The following PARP11 variants were observed in gnomAD, a reference collection of about 807,000 sequenced individuals.
PARP11 encodes poly(ADP-ribose) polymerase family member 11.
In PARP11, 31 loss-of-function variants were observed where a neutral mutation model predicts 42.9. The observed-to-expected ratio is 0.72, with a 90% CI of 0.54 to 0.98. The LOEUF (loss-of-function observed/expected upper bound fraction) is 0.98. Ranked by LOEUF, PARP11 falls within the 50% of genes least tolerant of loss-of-function variation. The pLI, the probability that PARP11 is intolerant of heterozygous loss-of-function variation, is 0.00. For synonymous variants in PARP11, 137 were observed against 127.3 expected (o/e 1.08, Z -0.51); for missense variants, 365 against 413.1 (o/e 0.88, Z 1.01).
chr12:3,873,145 A>T (rs959143626), intron 1 of PARP11, 67 bp downstream of exon 1: 2 of 1,343,582 alleles, frequency 1.5e-6, no homozygotes, highest in East Asian at 5.0e-5. Flanking sequence ...AGTTCCGGTG[A>T]CCCCCTCCCG....
At chr12:3,842,955 T>C (rs2138076742) in intron 1 of PARP11, among the ~76,000 whole-genome samples, 1 of 152,318 alleles carries the variant, frequency 6.6e-6, no homozygotes, top group Non-Finnish European at 1.5e-5. Flanking sequence ...TTGCACCAAA[T>C]AGAAATGTCT....
chr12:3,849,888 A>G (rs936703253), intron 1 of PARP11, among the ~76,000 whole-genome samples: 6 of 152,184 alleles, frequency 3.9e-5, no homozygotes, highest in Non-Finnish European at 7.4e-5. Flanking sequence ...CCCTGATTTC[A>G]TATGTAAATT....
At chr12:3,845,237 C>G (rs1462554867) in intron 1 of PARP11, among the ~76,000 whole-genome samples, 1 of 152,208 alleles carries the variant, frequency 6.6e-6, no homozygotes, top group Non-Finnish European at 1.5e-5. Context: ...ATGCTGGCAT[C>G]TGTGTAGTCC....
At position 3,840,048 on chromosome 12, in the gene PARP11, GTCAC is replaced by G; in HGVS notation, c.19-10034_19-10031del. 1 of 1,609,708 alleles carries G rather than the reference GTCAC, an allele frequency of 6.2e-7. No homozygotes were observed. The highest frequency in any genetic ancestry group is 8.5e-7 in the Non-Finnish European group (1 of 1,175,880). ...TGCCTTTGGCTAGAAAGGTTCTTAA[GTCAC>G]TCAATCCTGCAGTCTATAGAAATGT... On this transcript the variant is annotated intron_variant, in intron 1 of 7. Transcript: ENST00000228820. This position sits in a 1 kb window ranked among gnomAD's most constrained non-coding sequence, Gnocchi z 4.4.
At chr12:3,835,806 T>G (rs933979135) in intron 1 of PARP11, among the ~76,000 whole-genome samples, 2 of 151,968 alleles carry the variant, frequency 1.3e-5, no homozygotes, top group Non-Finnish European at 2.9e-5. Flanking sequence ...ATCAGCAAAC[T>G]TGAACATAAA....
Position 3,839,896 on chromosome 12 carries a change from A to G in PARP11, c.19-9878T>C, listed in dbSNP as rs1442780575. 32 of 1,061,356 alleles carry G rather than the reference A, an allele frequency of 3.0e-5. No individual in the cohort carries two copies. In the South Asian group the frequency reaches 3.8e-4, roughly 12 times the overall value. The allele number at this position is 1,061,356 out of a possible 1,614,324, so 65.7% of individuals were successfully genotyped here. ...GTTGGAAGTAGCTGATGAAGACAACAGTGAAATATCAGATTCAGAGGATGA... is the reference window on the plus strand; with the variant it reads ...GTTGGAAGTAGCTGATGAAGACAACGGTGAAATATCAGATTCAGAGGATGA... On this transcript the variant is annotated intron_variant, in intron 1 of 7. Transcript: ENST00000228820.
At chr12:3,816,704 A>G (rs1486631932) in intron 6 of PARP11, among the ~76,000 whole-genome samples, 1 of 152,184 alleles carries the variant, frequency 6.6e-6, no homozygotes, top group East Asian at 1.9e-4. Flanking sequence ...ATCTGCAATG[A>G]CTAGAATCCA....
In PARP11 at chr12:3,842,039, T is replaced by C; in HGVS notation, c.19-12021A>G. 5 of 1,611,306 alleles carry C rather than the reference T, an allele frequency of 3.1e-6. No homozygotes were observed. In the South Asian group the frequency reaches 4.4e-5, roughly 14 times the overall value. ...ATGGCATTGGCTTCCATCCCTCCTGTAGCAGAGGGAAAGGCTCACCCTCCC... is the reference window on the plus strand; with the variant it reads ...ATGGCATTGGCTTCCATCCCTCCTGCAGCAGAGGGAAAGGCTCACCCTCCC... On this transcript the variant is annotated intron_variant, in intron 1 of 7. Transcript: ENST00000228820.
At chr12:3,853,307 G>C (rs1201778420) in intron 1 of PARP11, among the ~76,000 whole-genome samples, 2 of 152,102 alleles carry the variant, frequency 1.3e-5, no homozygotes, top group African/African-American at 4.8e-5. Context: ...ATATAAATGA[G>C]CTAAATACCC....
chr12:3,823,950 G>A (rs1405198965), intron 4 of PARP11, among the ~76,000 whole-genome samples: 1 of 150,656 alleles, frequency 6.6e-6, no homozygotes, highest in Non-Finnish European at 1.5e-5. Context: ...GAACACATTT[G>A]TTCATCTGTC....
intron 6 of PARP11, among the ~76,000 whole-genome samples, chr12:3,816,769 G>A (rs1947294459): frequency 6.6e-6 from 1 of 152,228 alleles, no homozygotes; most frequent in African/African-American, 2.4e-5. Context: ...GGGTGTGGTG[G>A]CACACACCTG....
At chr12:3,852,260 G>A (rs984610886) in intron 1 of PARP11, among the ~76,000 whole-genome samples, 2 of 152,190 alleles carry the variant, frequency 1.3e-5, no homozygotes, top group African/African-American at 2.4e-5. Flanking sequence ...TGCAAGCAAC[G>A]GAACAAAGCT....
intron 1 of PARP11, among the ~76,000 whole-genome samples, chr12:3,855,974 A>G (rs1948182360): frequency 6.6e-6 from 1 of 152,126 alleles, no homozygotes; most frequent in Non-Finnish European, 1.5e-5. Context: ...CAGAAATAAC[A>G]CCACACATCT....
chr12:3,853,106 G>T (rs1017673293), intron 1 of PARP11, among the ~76,000 whole-genome samples: 2 of 152,134 alleles, frequency 1.3e-5, no homozygotes, highest in Non-Finnish European at 2.9e-5. Context: ...TCATCACCAG[G>T]CCTGCCTTAC....
At chr12:3,849,422 T>A (rs1207271285) in intron 1 of PARP11, among the ~76,000 whole-genome samples, 2 of 152,130 alleles carry the variant, frequency 1.3e-5, no homozygotes, top group African/African-American at 4.8e-5. Context: ...CATCCATGGA[T>A]GAATGGATAA....
Position 3,840,899 on chromosome 12 carries a change from T to C in PARP11, c.19-10881A>G, listed in dbSNP as rs1591781610. 6.2e-7 allele frequency: 1 copy of C among 1,601,840 alleles called. No individual in the cohort carries two copies. The highest frequency in any genetic ancestry group is 2.2e-5 in the East Asian group (1 of 44,838). Reference sequence around the variant, plus strand: ...TCTTTGTCAAATCCAGCTCCCCTTCTAGTTTCTCCAGAGGTACATCTAACT... The same window carrying C: ...TCTTTGTCAAATCCAGCTCCCCTTCCAGTTTCTCCAGAGGTACATCTAACT... On this transcript the variant is annotated intron_variant, in intron 1 of 7. Coordinates refer to ENST00000228820, the MANE Select transcript of PARP11 (RefSeq NM_020367.6). This position sits in a 1 kb window ranked among gnomAD's most constrained non-coding sequence, Gnocchi z 4.4.
intron 1 of PARP11, chr12:3,841,699 G>A: frequency 6.2e-7 from 1 of 1,613,298 alleles, no homozygotes; most frequent in African/African-American, 1.3e-5. Flanking sequence ...GCCATCTTTT[G>A]GACCCAATCC....
intron 1 of PARP11, chr12:3,871,844 A>C (rs1289249751): frequency 1.3e-5 from 2 of 152,222 alleles, no homozygotes; most frequent in Non-Finnish European, 1.5e-5. Flanking sequence ...AGAGATTGGA[A>C]GGCCTCAGAA....
At position 3,809,456 on chromosome 12, in the gene PARP11, A is replaced by G. The variant is rs1947128063; in HGVS notation, c.*2667T>C. ...CAATGGCTACTGCAGTGCATTCTAC[A>G]TATTTCATAGAAACCAACTAGGTAA... On this transcript the variant is annotated 3_prime_UTR_variant, in exon 8 of 8. Coordinates refer to ENST00000228820, the MANE Select transcript of PARP11 (RefSeq NM_020367.6). The G allele has an allele frequency of 6.6e-6, 1 of 152,166 alleles. No individual in the cohort carries two copies. The highest frequency in any genetic ancestry group is 1.5e-5 in the Non-Finnish European group (1 of 68,026). 9.4% of individuals were successfully genotyped at this position (152,166 alleles called of 1,614,324 possible). A position where few individuals can be genotyped will look rare whatever the true frequency, so the allele number is the denominator to read the frequency against.
Sources: allele counts gnomAD v4.1 joint callset (sites outside exome capture counted in the v4.1 genomes callset), GRCh38; gene constraint gnomAD v4.1.1; non-coding constraint Gnocchi (gnomAD v3.1); transcripts MANE v1.5; gene names NCBI Gene and HGNC (gene_info 2026-07-23, HGNC 2026-07-21).